SPAG16: variants seen among roughly 807,000 people sequenced by gnomAD.
The protein encoded by SPAG16 is sperm associated antigen 16, also known as sperm-associated antigen 16 protein.
In SPAG16, 86 loss-of-function variants were observed where a neutral mutation model predicts 80.4. That is an observed-to-expected ratio of 1.07 (90% confidence interval 0.90 to 1.28). The LOEUF (loss-of-function observed/expected upper bound fraction) is 1.28. SPAG16 is among the 50% of genes most tolerant of loss of function. The pLI, the probability that SPAG16 is intolerant of heterozygous loss-of-function variation, is 0.00. For synonymous variants in SPAG16, 294 were observed against 265.9 expected (o/e 1.11, Z -1.03); for missense variants, 870 against 765.3 (o/e 1.14, Z -1.61).
intron 15 of SPAG16, among the ~76,000 whole-genome samples, chr2:214,290,540 T>A (rs776576458): frequency 5.3e-5 from 8 of 152,216 alleles, no homozygotes; most frequent in Non-Finnish European, 7.3e-5. Context: ...TTAGCACTGC[T>A]TTTGCTGTCT....
intron 12 of SPAG16, among the ~76,000 whole-genome samples, chr2:213,977,907 T>C (rs1432130104): frequency 1.3e-5 from 2 of 152,108 alleles, no homozygotes; most frequent in Non-Finnish European, 2.9e-5. Context: ...CTTTTCTATA[T>C]AAGCCTCTTC....
Position 213,297,334 on chromosome 2 carries a change from C to G in SPAG16, c.256C>G (p.Gln86Glu). The change falls in exon 3 of 16, where the codon CAG becomes GAG. Residue 86 changes from glutamine to glutamate, a missense_variant. Physicochemically the swap from Gln to Glu is conservative, Grantham distance 29. Transcript: ENST00000331683. ...LAKAIQMAQE[Q>E]ATDTEILERK... Reference sequence around the variant, plus strand: ...AAAAGCAATTCAGATGGCCCAAGAACAGGCTACAGATACTGAAATTTTGGT... The same window carrying G: ...AAAAGCAATTCAGATGGCCCAAGAAGAGGCTACAGATACTGAAATTTTGGT... 6.2e-7 allele frequency: 1 copy of G among 1,611,768 alleles called. No homozygotes were observed. Among genetic ancestry groups the G allele is most frequent in the Non-Finnish European group, 8.5e-7 (1 of 1,178,540 alleles).
At chr2:214,096,978 A>G (rs1277658539) in intron 13 of SPAG16, among the ~76,000 whole-genome samples, 1 of 152,100 alleles carries the variant, frequency 6.6e-6, no homozygotes, top group East Asian at 1.9e-4. Flanking sequence ...AAAATTCCAA[A>G]GAATTTTTTC....
chr2:213,529,718 A>G (rs1046231377), intron 10 of SPAG16, among the ~76,000 whole-genome samples: 1 of 152,230 alleles, frequency 6.6e-6, no homozygotes, highest in Non-Finnish European at 1.5e-5. Flanking sequence ...ATAACTAAAC[A>G]TAGAAAATGT....
At chr2:213,299,257 G>C (rs573354557) in intron 3 of SPAG16, among the ~76,000 whole-genome samples, 1 of 151,422 alleles carries the variant, frequency 6.6e-6, no homozygotes, top group East Asian at 1.9e-4. Context: ...GACTTATTGC[G>C]ACTTATTGAA....
At chr2:214,075,507 C>T (rs566116639) in intron 13 of SPAG16, among the ~76,000 whole-genome samples, 1 of 152,284 alleles carries the variant, frequency 6.6e-6, no homozygotes, top group Non-Finnish European at 1.5e-5. Flanking sequence ...GGTATTTTCA[C>T]TTGACATAAA....
chr2:213,340,886 C>T (rs1286998700), intron 6 of SPAG16, among the ~76,000 whole-genome samples: 1 of 152,130 alleles, frequency 6.6e-6, no homozygotes, highest in Non-Finnish European at 1.5e-5. Context: ...ATTTTGCTTG[C>T]TCTAAGGCAG....
At chr2:214,084,625 C>T (rs188894024) in intron 13 of SPAG16, among the ~76,000 whole-genome samples, 68 of 152,234 alleles carry the variant, frequency 4.5e-4, no homozygotes, top group African/African-American at 1.6e-3. Flanking sequence ...GTTGTCACTG[C>T]CCCAACTTTA....
At chr2:214,167,486 C>G (rs1443507027) in intron 15 of SPAG16, among the ~76,000 whole-genome samples, 1 of 152,056 alleles carries the variant, frequency 6.6e-6, no homozygotes, top group African/African-American at 2.4e-5. Flanking sequence ...GCATTCTGTT[C>G]TCCCTATAAA....
chr2:213,980,725 TAGAGAG>T (rs1553686631), intron 12 of SPAG16, among the ~76,000 whole-genome samples: 24 of 103,990 alleles, frequency 2.3e-4, no homozygotes, highest in South Asian at 7.4e-4. Context: ...TATATATATA[TAGAGAG>T]AGAGAGAGAG....
At chr2:214,138,390 C>T (rs917548545) in intron 14 of SPAG16, among the ~76,000 whole-genome samples, 5 of 151,974 alleles carry the variant, frequency 3.3e-5, no homozygotes, top group Non-Finnish European at 7.4e-5. Context: ...TCTTCTCACG[C>T]CCTGGTACTG....
At chr2:213,929,757 C>G (rs1022598143) in intron 11 of SPAG16, among the ~76,000 whole-genome samples, 4 of 152,142 alleles carry the variant, frequency 2.6e-5, no homozygotes, top group Admixed American at 2.6e-4. Flanking sequence ...CAGTTTCTCT[C>G]TTCAGCTTGA....
chr2:213,328,172 C>T (rs752668563), intron 5 of SPAG16, among the ~76,000 whole-genome samples: 1 of 152,044 alleles, frequency 6.6e-6, no homozygotes, highest in Non-Finnish European at 1.5e-5. Flanking sequence ...ATCTATGGTT[C>T]TAAAACAAAT....
chr2:213,492,029 G>A (rs1352370492), intron 10 of SPAG16, among the ~76,000 whole-genome samples: 1 of 152,112 alleles, frequency 6.6e-6, no homozygotes, highest in Non-Finnish European at 1.5e-5. Context: ...CTTTTTGCCT[G>A]TCTACTTCAT....
Position 214,234,182 on chromosome 2 carries a change from T to C in SPAG16, c.1720+84916T>C, listed in dbSNP as rs536544528. 4.6e-5 allele frequency among the ~76,000 whole-genome samples: 7 copies of C among 152,332 alleles called. 1 individual carries two copies. The South Asian group carries it at 1.2e-3, about 27-fold the overall frequency. ...CATTACCTTACTGAGGATAATTGCTTTCAGCAACATCCATGTCCCTGCAAA... is the reference window on the plus strand; with the variant it reads ...CATTACCTTACTGAGGATAATTGCTCTCAGCAACATCCATGTCCCTGCAAA... On this transcript the variant is annotated intron_variant, in intron 15 of 15. Transcript: ENST00000331683.
At chr2:214,302,080 A>G (rs961813752) in intron 15 of SPAG16, among the ~76,000 whole-genome samples, 7 of 152,040 alleles carry the variant, frequency 4.6e-5, no homozygotes, top group African/African-American at 1.7e-4. Context: ...CCATGTACTT[A>G]TACAGTTTTG....
chr2:214,099,580 A>C (rs2052848754), intron 13 of SPAG16, among the ~76,000 whole-genome samples: 1 of 152,088 alleles, frequency 6.6e-6, no homozygotes, highest in African/African-American at 2.4e-5. Flanking sequence ...ATATGAACTA[A>C]GGTAGATACA....
At chr2:213,434,005 C>T (rs972040077) in intron 9 of SPAG16, among the ~76,000 whole-genome samples, 7 of 144,382 alleles carry the variant, frequency 4.8e-5, no homozygotes, top group Non-Finnish European at 8.9e-5. Flanking sequence ...ACTGCAACCT[C>T]TGCTTCCCAG....
At chr2:213,700,399 A>C (rs947957998) in intron 10 of SPAG16, among the ~76,000 whole-genome samples, 1 of 152,164 alleles carries the variant, frequency 6.6e-6, no homozygotes, top group African/African-American at 2.4e-5. Flanking sequence ...GGTGTTATTT[A>C]TAAGAGGTGG....
Sources: gnomAD v4.1 joint callset for allele counts (sites outside exome capture counted in the v4.1 genomes callset) on GRCh38, gnomAD v4.1.1 for gene constraint, MANE v1.5 for transcripts, NCBI Gene and HGNC (gene_info 2026-07-23, HGNC 2026-07-21) for gene names.